The following FARS2 variants were observed in gnomAD, a reference collection of about 807,000 sequenced individuals.
FARS2 encodes the protein phenylalanine--tRNA ligase, mitochondrial.
In FARS2, 40 loss-of-function variants were observed where a neutral mutation model predicts 46.4. That is an observed-to-expected ratio of 0.86 (90% CI 0.67 to 1.12). The LOEUF (loss-of-function observed/expected upper bound fraction) is 1.12, where lower values mean the gene tolerates loss of function less well. Among genes scored for constraint, FARS2 ranks in the 50% most tolerant of loss-of-function variants. The pLI, the probability that FARS2 is intolerant of heterozygous loss-of-function variation, is 0.00. For synonymous variants in FARS2, 234 were observed against 214.9 expected, an observed-to-expected ratio of 1.09 and a Z score of -0.78; for missense variants, 513 against 567.9, an observed-to-expected ratio of 0.90 and a Z score of 0.98.
chr6:5,608,337 A>G (rs9504455), intron 5 of FARS2, among the ~76,000 whole-genome samples: 11,582 of 152,174 alleles, frequency 0.076, 657 homozygotes, highest in African/African-American at 0.16. Flanking sequence ...TTTCTTGTTT[A>G]CTGCCTTGGT....
rs373413841 is a variant in FARS2, at chr6:5,638,286, C to T, written c.1217+24966C>T. ...GGGGAGACTTAAAACCATCCCGGGC[C>T]GGGCGCAGTGGCTCACGCCTGTCAT... On this transcript the variant is annotated intron_variant, in intron 6 of 6. Coordinates refer to ENST00000274680, the MANE Select transcript of FARS2 (RefSeq NM_006567.5). Among the ~76,000 whole-genome samples the T allele has an allele frequency of 1.3e-3, 194 of 152,312 alleles. 1 individual carries two copies. Among genetic ancestry groups the T allele is most frequent in the African/African-American group, 3.4e-3 (142 of 41,578 alleles).
chr6:5,601,894 A>G (rs888926281), intron 5 of FARS2, among the ~76,000 whole-genome samples: 4 of 152,204 alleles, frequency 2.6e-5, no homozygotes, highest in Non-Finnish European at 4.4e-5. Flanking sequence ...AAAAGCTGCA[A>G]AGTGGTCCTT....
chr6:5,368,798 G>A lies in FARS2; in HGVS notation c.228G>A (p.Arg76=), dbSNP rs769085279. Reference sequence around the variant, plus strand: ...GGAAGGTCCTCACCAGAGTTGGCAGGAACCTGCACAACCAGCAGCATCACC... The same window carrying A: ...GGAAGGTCCTCACCAGAGTTGGCAGAAACCTGCACAACCAGCAGCATCACC... ...LTRKVLTRVG[R]NLHNQQHHPL... The change falls in exon 2 of 7, where the codon AGG becomes AGA. Residue 76 remains arginine (R), a synonymous_variant. Coordinates refer to ENST00000274680, the MANE Select transcript of FARS2 (RefSeq NM_006567.5). The A allele has an allele frequency of 3.1e-6, 5 of 1,614,164 alleles. No homozygotes were observed. In the South Asian group the frequency reaches 3.3e-5, roughly 11 times the overall value.
intron 6 of FARS2, among the ~76,000 whole-genome samples, chr6:5,751,507 A>C (rs1244827412): frequency 1.3e-5 from 2 of 152,180 alleles, no homozygotes; most frequent in Non-Finnish European, 2.9e-5. Flanking sequence ...AGAGTCCTTA[A>C]ATCTAATTGC....
chr6:5,619,517 C>T (rs1775654182), intron 6 of FARS2, among the ~76,000 whole-genome samples: 2 of 152,202 alleles, frequency 1.3e-5, no homozygotes, highest in African/African-American at 4.8e-5. Context: ...GAGCTCCTCC[C>T]TCAACCCCAG....
At chr6:5,619,680 A>G (rs1037732373) in intron 6 of FARS2, among the ~76,000 whole-genome samples, 5 of 151,044 alleles carry the variant, frequency 3.3e-5, no homozygotes, top group Admixed American at 3.3e-4. Flanking sequence ...AATTCTCAAG[A>G]GGGTCTTCAC....
chr6:5,550,788 A>G (rs1771326330), intron 5 of FARS2, among the ~76,000 whole-genome samples: 1 of 152,180 alleles, frequency 6.6e-6, no homozygotes. Context: ...CCATTACACA[A>G]GAGGCTCCTC....
rs554172035 is a variant in FARS2 at position 5,484,892 on chromosome 6, G to C, written c.904+53720G>C. Reference sequence around the variant, plus strand: ...CACAGCTGTTCACCTCTCTGAGGGGGCCTGGACTCCTGGGGCTGTGTTTGT... The same window carrying C: ...CACAGCTGTTCACCTCTCTGAGGGGCCCTGGACTCCTGGGGCTGTGTTTGT... On this transcript the variant is annotated intron_variant, in intron 4 of 6. Coordinates refer to ENST00000274680, the MANE Select transcript of FARS2 (RefSeq NM_006567.5). Among the ~76,000 whole-genome samples the C allele has an allele frequency of 3.3e-5, 5 of 152,322 alleles. No homozygotes were observed. In the East Asian group the frequency reaches 9.7e-4, roughly 29 times the overall value.
At chr6:5,520,749 C>T (rs1769084221) in intron 4 of FARS2, among the ~76,000 whole-genome samples, 1 of 152,006 alleles carries the variant, frequency 6.6e-6, no homozygotes, top group South Asian at 2.1e-4. Flanking sequence ...AGAAAAATAA[C>T]ACATGAAGGA....
chr6:5,762,906 T>C (rs1341627664), intron 6 of FARS2, among the ~76,000 whole-genome samples: 1 of 152,112 alleles, frequency 6.6e-6, no homozygotes, highest in East Asian at 1.9e-4. Flanking sequence ...GAGGCACCGC[T>C]CAGAATGGCC....
chr6:5,404,628 G>A lies in FARS2; in HGVS notation c.699G>A (p.Met233Ile). 1.2e-6 allele frequency: 2 copies of A among 1,613,384 alleles called. No individual in the cohort carries two copies. The highest frequency in any genetic ancestry group is 1.7e-6 in the Non-Finnish European group (2 of 1,179,540). Reference protein sequence around the residue: ...RSAHKQETHTMEAVKLVEFDL... With the variant: ...RSAHKQETHTIEAVKLVEFDL... Reference sequence around the variant, plus strand: ...CGCATAAACAAGAGACACACACCATGGAGGCCGTGAAGCTTGTAGAGTTTG... The same window carrying A: ...CGCATAAACAAGAGACACACACCATAGAGGCCGTGAAGCTTGTAGAGTTTG... Residue 233 changes from methionine to isoleucine, a missense_variant, in exon 3 of 7, where the codon ATG becomes ATA. By Grantham distance (10) the Met-to-Ile change is conservative (BLOSUM62 1). Coordinates refer to ENST00000274680, the MANE Select transcript of FARS2 (RefSeq NM_006567.5).
chr6:5,711,284 C>T (rs865847096), intron 6 of FARS2, among the ~76,000 whole-genome samples: 6 of 131,926 alleles, frequency 4.5e-5, no homozygotes, highest in Admixed American at 7.5e-5. Flanking sequence ...TAAATGAATG[C>T]GGGATGGATG....
chr6:5,604,373 G>T (rs1302454702), intron 5 of FARS2, among the ~76,000 whole-genome samples: 1 of 152,056 alleles, frequency 6.6e-6, no homozygotes, highest in African/African-American at 2.4e-5. Context: ...TCACAGGTCA[G>T]TTTCCCCCCC....
intron 3 of FARS2, among the ~76,000 whole-genome samples, chr6:5,421,878 C>A (rs1214157723): frequency 6.6e-6 from 1 of 152,214 alleles, no homozygotes; most frequent in Non-Finnish European, 1.5e-5. Context: ...TTTCTGTTTT[C>A]TTCTGAGCTC....
chr6:5,277,558 C>T (rs1469271161), intron 1 of FARS2, among the ~76,000 whole-genome samples: 1 of 152,086 alleles, frequency 6.6e-6, no homozygotes, highest in Non-Finnish European at 1.5e-5. Flanking sequence ...CTTCTGAATA[C>T]TCGATACATT....
chr6:5,359,292 C>T (rs1257972808), intron 1 of FARS2, among the ~76,000 whole-genome samples: 2 of 152,058 alleles, frequency 1.3e-5, no homozygotes, highest in African/African-American at 2.4e-5. Context: ...CCGCCCACCT[C>T]GGCCTCCCAA....
chr6:5,272,673 T>G (rs928644261), intron 1 of FARS2, among the ~76,000 whole-genome samples: 2 of 151,184 alleles, frequency 1.3e-5, no homozygotes, highest in Non-Finnish European at 2.9e-5. Context: ...ACATTCAAAT[T>G]GTTTTCTTCT....
At chr6:5,273,320 T>A (rs1271547826) in intron 1 of FARS2, among the ~76,000 whole-genome samples, 1 of 152,212 alleles carries the variant, frequency 6.6e-6, no homozygotes, top group Non-Finnish European at 1.5e-5. Context: ...TCCACATCTG[T>A]GCCGGCATCT....
intron 6 of FARS2, among the ~76,000 whole-genome samples, chr6:5,750,097 G>T (rs187778950): frequency 1.3e-3 from 194 of 152,282 alleles, no homozygotes; most frequent in Admixed American, 3.5e-3. Flanking sequence ...TGCCCTCTCC[G>T]AGTTAGTGGG....
Sources: allele counts gnomAD v4.1 joint callset (sites outside exome capture counted in the v4.1 genomes callset), GRCh38; gene constraint gnomAD v4.1.1; transcripts MANE v1.5; gene names NCBI Gene and HGNC (gene_info 2026-07-23, HGNC 2026-07-21).